Variants in TRIM66 observed in about 807,000 individuals in gnomAD.
The protein encoded by TRIM66 is tripartite motif containing 66, also known as tripartite motif-containing protein 66.
TRIM66 carries 99 observed loss-of-function variants against 148.2 expected under a neutral mutation model. That is an observed-to-expected ratio of 0.67 (90% CI 0.57 to 0.79). The LOEUF (loss-of-function observed/expected upper bound fraction) is 0.79. Among genes scored for constraint, TRIM66 ranks in the 30% least tolerant of loss-of-function variants. The pLI, the probability that TRIM66 is intolerant of heterozygous loss-of-function variation, is 0.00. For synonymous variants in TRIM66, 616 were observed against 635.9 expected (o/e 0.97, Z 0.47); for missense variants, 1,666 against 1,697.9 (o/e 0.98, Z 0.33).
chr11:8,682,648 C>A lies in TRIM66; in HGVS notation c.-595G>T, dbSNP rs932872903. The A allele has an allele frequency of 5.2e-6, 4 of 764,076 alleles. No homozygotes were observed. In the South Asian group the frequency reaches 5.9e-5, roughly 11 times the overall value. 47.3% of individuals were successfully genotyped at this position (764,076 alleles called of 1,614,324 possible). On this transcript the variant is annotated 5_prime_UTR_variant, in exon 1 of 25. Transcript: ENST00000646038. The stretch of plus-strand genomic sequence containing the variant: ...GACACTCCGTGATGGGGGATCACCA[C>A]CCTCAGAAAGAGGAAGCGACTAGCA...
intron 4 of TRIM66, among the ~76,000 whole-genome samples, chr11:8,672,727 T>C (rs563801623): frequency 1.3e-5 from 2 of 150,342 alleles, no homozygotes; most frequent in Admixed American, 1.3e-4. Flanking sequence ...GCTCAGGTGA[T>C]CCTCCCACCT....
chr11:8,672,130 C>T (rs1176262365), intron 5 of TRIM66, 32 bp from the exon 6 acceptor site: 10 of 1,528,952 alleles, frequency 6.5e-6, no homozygotes, highest in Non-Finnish European at 8.7e-6. Context: ...GAGTGATCTA[C>T]TTATTTTGAG....
At chr11:8,636,339 C>G (rs1048193894) in intron 15 of TRIM66, among the ~76,000 whole-genome samples, 1 of 152,092 alleles carries the variant, frequency 6.6e-6, no homozygotes, top group Non-Finnish European at 1.5e-5. Flanking sequence ...ATGCCATGGT[C>G]TTCACTTGTG....
intron 3 of TRIM66, among the ~76,000 whole-genome samples, chr11:8,676,609 T>C (rs779711707): frequency 2.0e-5 from 3 of 152,214 alleles, no homozygotes; most frequent in Admixed American, 6.5e-5. Flanking sequence ...AGAAGAGCAA[T>C]TGAAGTAACT....
Position 8,682,641 on chromosome 11 carries a change from A to C in TRIM66, c.-588T>G. The C allele has an allele frequency of 2.8e-6, 2 of 726,058 alleles. No individual in the cohort carries two copies. Among genetic ancestry groups the C allele is most frequent in the South Asian group, 1.5e-5 (1 of 65,250 alleles). 45.0% of individuals were successfully genotyped at this position (726,058 alleles called of 1,614,324 possible). On this transcript the variant is annotated 5_prime_UTR_variant, in exon 1 of 25. Transcript: ENST00000646038. ...CCACCAGGACACTCCGTGATGGGGG[A>C]TCACCACCCTCAGAAAGAGGAAGCG...
chr11:8,643,992 C>A (rs2036630174), intron 12 of TRIM66, among the ~76,000 whole-genome samples: 2 of 152,186 alleles, frequency 1.3e-5, no homozygotes, highest in Admixed American at 1.3e-4. Flanking sequence ...TGCATGGCAA[C>A]CACCTTGTTT....
chr11:8,680,064 CT>C lies in TRIM66; in HGVS notation c.-547-2del. On this transcript the variant is annotated splice_acceptor_variant, in intron 1 of 24. Transcript: ENST00000646038. LOFTEE classifies it low-confidence loss of function (5UTR_SPLICE). ...TGTTATCCTTGTGGACTGAAGTGTT[CT>C]GGGAAGAAGCAGAATATAAAGTTGG... 1 of 152,224 alleles carries C rather than the reference CT, an allele frequency of 6.6e-6. No individual in the cohort carries two copies. The highest frequency in any genetic ancestry group is 1.9e-4 in the East Asian group (1 of 5,202). 9.4% of individuals were successfully genotyped at this position (152,224 alleles called of 1,614,324 possible).
At position 8,638,148 on chromosome 11, in the gene TRIM66, G is replaced by T. The variant is rs549442714; in HGVS notation, c.2310+506C>A. ...ATCCTAAGGTATCCAACTCTGGGTT[G>T]TGGAGGCCACAAAAAATATTTTCCC... On this transcript the variant is annotated intron_variant, in intron 15 of 24. Transcript: ENST00000646038. Among the ~76,000 whole-genome samples the T allele has an allele frequency of 7.2e-5, 11 of 152,308 alleles. No individual in the cohort carries two copies. In the East Asian group the frequency reaches 1.7e-3, roughly 24 times the overall value.
chr11:8,672,791 G>A (rs1331398585), intron 4 of TRIM66, among the ~76,000 whole-genome samples: 1 of 151,702 alleles, frequency 6.6e-6, no homozygotes, highest in Non-Finnish European at 1.5e-5. Flanking sequence ...GCCACCACAT[G>A]CGGCTAATTT....
In TRIM66 at chr11:8,641,061, G is replaced by A. The variant is rs1251081742; in HGVS notation, c.1314C>T (p.His438=). 1.3e-6 allele frequency: 2 copies of A among 1,551,600 alleles called. No homozygotes were observed. Among genetic ancestry groups the A allele is most frequent in the Non-Finnish European group, 1.7e-6 (2 of 1,147,008 alleles). Residue 438 remains histidine (H), a synonymous_variant, in exon 14 of 25, where the codon CAC becomes CAT. Transcript: ENST00000646038. ...LQGSSPFYQS[H]QSPVAQQEAL... ...CCTCTTGCTGAGCCACTGGAGACTG[G>A]TGGCTTTGATAAAAGGGTGATGACC...
intron 6 of TRIM66, among the ~76,000 whole-genome samples, chr11:8,661,253 G>A (rs2038233099): frequency 6.6e-6 from 1 of 152,366 alleles, no homozygotes; most frequent in East Asian, 1.9e-4. Flanking sequence ...TGAAAGCCAG[G>A]TGACTGGCTG....
intron 3 of TRIM66, among the ~76,000 whole-genome samples, chr11:8,676,827 A>C (rs962380696): frequency 7.2e-5 from 11 of 152,168 alleles, no homozygotes; most frequent in African/African-American, 2.7e-4. Flanking sequence ...AAGGTAGTAA[A>C]TTCAAATGCC....
rs1235881309 is a variant in TRIM66, at chr11:8,615,962, GA to G, written c.*1981del. 1 of 152,286 alleles carries G rather than the reference GA, an allele frequency of 6.6e-6. No individual in the cohort carries two copies. Among genetic ancestry groups the G allele is most frequent in the African/African-American group, 2.4e-5 (1 of 41,454 alleles). The allele number at this position is 152,286 out of a possible 1,614,324, so 9.4% of individuals were successfully genotyped here. A position where few individuals can be genotyped will look rare whatever the true frequency, so the allele number is the denominator to read the frequency against. On this transcript the variant is annotated 3_prime_UTR_variant, in exon 25 of 25. Transcript: ENST00000646038. Reference sequence around the variant, plus strand: ...GGCTGCACAAAGGAAAGATGACCTAGAGCAGGAATTAGTGACATGAGAACAG... The same window carrying G: ...GGCTGCACAAAGGAAAGATGACCTAGGCAGGAATTAGTGACATGAGAACAG...
rs2033632766 is a variant in TRIM66, at chr11:8,614,963, C to T, written c.*2981G>A. The T allele has an allele frequency of 6.6e-6, 1 of 152,064 alleles. No homozygotes were observed. The highest frequency in any genetic ancestry group is 1.5e-5 in the Non-Finnish European group (1 of 68,102). The allele number at this position is 152,064 out of a possible 1,614,324, so 9.4% of individuals were successfully genotyped here. On this transcript the variant is annotated 3_prime_UTR_variant, in exon 25 of 25. Coordinates refer to ENST00000646038, the MANE Select transcript of TRIM66 (RefSeq NM_001388022.1). ...TTTTTTTTTGAGACGGAGTCTCGTT[C>T]TGTTGCCCAGGCTGGAATGCAATGG...
In TRIM66 at chr11:8,659,679, G is replaced by T. The variant is rs76075033; in HGVS notation, c.341-7776C>A. Among the ~76,000 whole-genome samples, 372 of 152,296 alleles carry T rather than the reference G, an allele frequency of 2.4e-3. 3 individuals carry two copies. The highest frequency in any genetic ancestry group is 0.02 in the South Asian group (96 of 4,824). On this transcript the variant is annotated intron_variant, in intron 6 of 24. Coordinates refer to ENST00000646038, the MANE Select transcript of TRIM66 (RefSeq NM_001388022.1). ...AAACCCAAATCTCTTGTGTGTGGGT[G>T]TGGGACTGGGAATCTGTATTTTTAG...
chr11:8,621,064 G>C lies in TRIM66; in HGVS notation c.3513C>G (p.Ser1171=). Residue 1171 remains serine, a synonymous_variant, in exon 20 of 25, where the codon TCC becomes TCG. Coordinates refer to ENST00000646038, the MANE Select transcript of TRIM66 (RefSeq NM_001388022.1). ...AGCTGAGCAAGGCTGGCACATGGCAGGAGAGGTGGAACACTTTGGGGCAGC... is the reference window on the plus strand; with the variant it reads ...AGCTGAGCAAGGCTGGCACATGGCACGAGAGGTGGAACACTTTGGGGCAGC... ...CDRCPKVFHL[S]CHVPALLSFP... is the part of the protein sequence containing the mutation. The C allele has an allele frequency of 6.4e-7, 1 of 1,551,738 alleles. No individual in the cohort carries two copies. The highest frequency in any genetic ancestry group is 1.4e-5 in the African/African-American group (1 of 73,174).
intron 6 of TRIM66, among the ~76,000 whole-genome samples, chr11:8,654,280 C>G (rs1461154937): frequency 6.6e-6 from 1 of 152,224 alleles, no homozygotes; most frequent in Non-Finnish European, 1.5e-5. Context: ...AACATACAAC[C>G]TGTGTTTTTG....
intron 6 of TRIM66, among the ~76,000 whole-genome samples, chr11:8,663,930 T>C (rs2038421980): frequency 6.6e-6 from 1 of 152,006 alleles, no homozygotes; most frequent in Non-Finnish European, 1.5e-5. Context: ...ACTGATCTCA[T>C]AAAAGCGGAG....
intron 4 of TRIM66, among the ~76,000 whole-genome samples, chr11:8,672,734 A>C (rs2038999000): frequency 6.9e-6 from 1 of 145,634 alleles, no homozygotes; most frequent in South Asian, 2.2e-4. Flanking sequence ...TGATCCTCCC[A>C]CCTCATCCCA....
Sources: gnomAD v4.1 joint callset for allele counts (sites outside exome capture counted in the v4.1 genomes callset) on GRCh38, gnomAD v4.1.1 for gene constraint, MANE v1.5 for transcripts, NCBI Gene and HGNC (gene_info 2026-07-23, HGNC 2026-07-21) for gene names.